The following ADARB2 variants were observed in gnomAD, a reference collection of about 807,000 sequenced individuals.
ADARB2 encodes the protein inactive double-stranded RNA-specific editase B2.
In ADARB2, 25 loss-of-function variants were observed where a neutral mutation model predicts 62.2. That is an observed-to-expected ratio of 0.40 (90% CI 0.29 to 0.56). The LOEUF (loss-of-function observed/expected upper bound fraction) is 0.56. Ranked by LOEUF, ADARB2 falls within the 20% of genes least tolerant of loss-of-function variation. The pLI is 0.43. For synonymous variants in ADARB2, 572 were observed against 500.8 expected, an observed-to-expected ratio of 1.14 and a Z score of -1.90; for missense variants, 1,071 against 1,077.4, an observed-to-expected ratio of 0.99 and a Z score of 0.08.
intron 1 of ADARB2, among the ~76,000 whole-genome samples, chr10:1,728,604 T>C (rs1188634143): frequency 2.0e-5 from 3 of 152,198 alleles, no homozygotes; most frequent in Non-Finnish European, 2.9e-5. Flanking sequence ...AGAGCCCCTG[T>C]CATGATTTAA....
intron 8 of ADARB2, among the ~76,000 whole-genome samples, chr10:1,185,445 A>T (rs1288239276): frequency 6.6e-6 from 1 of 152,242 alleles, no homozygotes. Flanking sequence ...GGGGCTAGTA[A>T]GCAACATGCA....
At chr10:1,344,705 G>A (rs995237052) in intron 3 of ADARB2, among the ~76,000 whole-genome samples, 8 of 152,190 alleles carry the variant, frequency 5.3e-5, no homozygotes. Flanking sequence ...AGTGAAAGCC[G>A]TGGACATGGC....
At chr10:1,579,827 T>C (rs1833071928) in intron 1 of ADARB2, among the ~76,000 whole-genome samples, 1 of 152,156 alleles carries the variant, frequency 6.6e-6, no homozygotes, top group African/African-American at 2.4e-5. Flanking sequence ...TTCTGAGTGG[T>C]CCAGACATCC....
At chr10:1,417,554 T>G (rs1025509968) in intron 1 of ADARB2, among the ~76,000 whole-genome samples, 2 of 152,240 alleles carry the variant, frequency 1.3e-5, no homozygotes, top group Non-Finnish European at 2.9e-5. Flanking sequence ...GTAAGTGATA[T>G]TCCTAAAATC....
chr10:1,381,193 CACAT>C (rs953233430), intron 1 of ADARB2, among the ~76,000 whole-genome samples: 4 of 152,012 alleles, frequency 2.6e-5, no homozygotes, highest in African/African-American at 7.2e-5. Flanking sequence ...CACACACACA[CACAT>C]ATATACTTAA....
intron 3 of ADARB2, among the ~76,000 whole-genome samples, chr10:1,359,239 CT>C (rs1832226460): frequency 6.6e-6 from 1 of 152,190 alleles, no homozygotes; most frequent in Admixed American, 6.5e-5. Context: ...GGCACTGCCC[CT>C]ATCAGCTGAT....
At chr10:1,560,315 C>T (rs910664677) in intron 1 of ADARB2, among the ~76,000 whole-genome samples, 1 of 152,194 alleles carries the variant, frequency 6.6e-6, no homozygotes, top group African/African-American at 2.4e-5. Context: ...AAACCACATT[C>T]GTTTTAGTAA....
intron 3 of ADARB2, among the ~76,000 whole-genome samples, chr10:1,314,575 C>G (rs1359130165): frequency 6.6e-6 from 1 of 152,220 alleles, no homozygotes; most frequent in Non-Finnish European, 1.5e-5. Context: ...CCCTGGCCTT[C>G]CGGCCGCTTC....
At chr10:1,633,600 CTATCTATCT>C (rs1833876528) in intron 1 of ADARB2, among the ~76,000 whole-genome samples, 1 of 135,034 alleles carries the variant, frequency 7.4e-6, no homozygotes, top group African/African-American at 2.5e-5. Flanking sequence ...ATCTATCTAT[CTATCTATCT>C]ATCCCTCTAT....
chr10:1,704,699 A>T lies in ADARB2; in HGVS notation c.100+32352T>A, dbSNP rs1010039076. Among the ~76,000 whole-genome samples, 2 of 152,200 alleles carry T rather than the reference A, an allele frequency of 1.3e-5. No individual in the cohort carries two copies. Among genetic ancestry groups the T allele is most frequent in the African/African-American group, 4.8e-5 (2 of 41,446 alleles). ...AGGGGTACATATAAAGTGGTTTGGA[A>T]TCATGTGGGATTATTGATATTATTA... On this transcript the variant is annotated intron_variant, in intron 1 of 9. Coordinates refer to ENST00000381312, the MANE Select transcript of ADARB2 (RefSeq NM_018702.4). The surrounding 1 kb of genome is among the most constrained non-coding windows in gnomAD (Gnocchi z 5.6).
At chr10:1,665,942 A>C (rs1213866067) in intron 1 of ADARB2, among the ~76,000 whole-genome samples, 1 of 152,166 alleles carries the variant, frequency 6.6e-6, no homozygotes, top group African/African-American at 2.4e-5. Context: ...TAGCACAGCA[A>C]CGAAGCACTC....
chr10:1,224,128 C>G (rs546957420), intron 6 of ADARB2, among the ~76,000 whole-genome samples: 1 of 152,266 alleles, frequency 6.6e-6, no homozygotes, highest in South Asian at 2.1e-4. Context: ...TTCAGAGATT[C>G]AGCTTCTTCC....
chr10:1,244,439 T>C (rs747347794), intron 4 of ADARB2, among the ~76,000 whole-genome samples: 8 of 152,286 alleles, frequency 5.3e-5, no homozygotes, highest in African/African-American at 9.6e-5. Context: ...GCCTGCTCCT[T>C]CTCTTTGGAT....
intron 7 of ADARB2, among the ~76,000 whole-genome samples, chr10:1,207,072 C>T (rs564622027): frequency 3.3e-5 from 5 of 152,336 alleles, no homozygotes; most frequent in South Asian, 2.1e-4. Context: ...TAAGGCCGGG[C>T]GCGGTGGCTC....
chr10:1,717,975 T>C (rs1835042810), intron 1 of ADARB2, among the ~76,000 whole-genome samples: 1 of 152,154 alleles, frequency 6.6e-6, no homozygotes, highest in African/African-American at 2.4e-5. Context: ...CATCTTATAT[T>C]TTAATGGGAA....
chr10:1,409,310 AACTTG>A (rs1388289477), intron 1 of ADARB2, among the ~76,000 whole-genome samples: 1 of 149,002 alleles, frequency 6.7e-6, no homozygotes, highest in African/African-American at 2.5e-5. Flanking sequence ...GCATTCTGCA[AACTTG>A]ACTTGACCTG....
At chr10:1,649,951 C>T (rs1431782200) in intron 1 of ADARB2, among the ~76,000 whole-genome samples, 1 of 152,184 alleles carries the variant, frequency 6.6e-6, no homozygotes. Context: ...TTACACAAAC[C>T]CGGGAGGACC....
chr10:1,195,433 C>A (rs1836897444), intron 8 of ADARB2, among the ~76,000 whole-genome samples: 1 of 138,834 alleles, frequency 7.2e-6, no homozygotes, highest in African/African-American at 2.7e-5. Context: ...GGTCTTTAGT[C>A]CCTTGTTAAG....
At chr10:1,246,835 C>T (rs1282878241) in intron 4 of ADARB2, among the ~76,000 whole-genome samples, 1 of 151,376 alleles carries the variant, frequency 6.6e-6, no homozygotes, top group Non-Finnish European at 1.5e-5. Flanking sequence ...TTTTTTGGTT[C>T]CATATGAACT....
Sources: allele counts gnomAD v4.1 joint callset (sites outside exome capture counted in the v4.1 genomes callset), GRCh38; gene constraint gnomAD v4.1.1; non-coding constraint Gnocchi (gnomAD v3.1); transcripts MANE v1.5; gene names NCBI Gene and HGNC (gene_info 2026-07-23, HGNC 2026-07-21).